GTPBP3: variants seen among roughly 807,000 people sequenced by gnomAD.
The protein encoded by GTPBP3 is GTP binding protein 3, mitochondrial, also known as 5-taurinomethyluridine-[tRNA] synthase subunit GTPB3, mitochondrial.
Under a neutral mutation model 42.0 loss-of-function variants are expected in GTPBP3, and 35 were observed. That is an observed-to-expected ratio of 0.83 (90% CI 0.64 to 1.10). The LOEUF (loss-of-function observed/expected upper bound fraction) is 1.10. GTPBP3 is among the 50% of genes least tolerant of loss of function. GTPBP3 has a pLI of 0.00. For synonymous variants in GTPBP3, 332 were observed against 314.9 expected (o/e 1.05, Z -0.58); for missense variants, 691 against 685.2 (o/e 1.01, Z -0.09).
At chr19:17,337,785 T>G in intron 1 of GTPBP3, 121 bp downstream of exon 1, 1 of 1,292,756 alleles carries the variant, frequency 7.7e-7, no homozygotes, top group African/African-American at 1.5e-5. Flanking sequence ...CTTCCGTGCC[T>G]CAATCGTTCA....
chr19:17,339,384 G>A (rs762136097), intron 6 of GTPBP3, 50 bp from the exon 7 acceptor site: 2 of 1,601,606 alleles, frequency 1.2e-6, no homozygotes, highest in East Asian at 2.2e-5. Flanking sequence ...GAACCTGGGG[G>A]AGGAGCTCCC....
chr19:17,337,669 G>C lies in GTPBP3; in HGVS notation c.53+5G>C, dbSNP rs547999665. 3 of 1,346,556 alleles carry C rather than the reference G, an allele frequency of 2.2e-6. No homozygotes were observed. The Admixed American group carries it at 1.1e-4, about 51-fold the overall frequency. 83.4% of individuals were successfully genotyped at this position (1,346,556 alleles called of 1,614,324 possible). ...AGCGGCACGTGGGCCTCGCAGGTGG[G>C]GCTACAGGGGAAGGGGTGCGACAGC... is the stretch of plus-strand genomic sequence containing the variant. On this transcript the variant is annotated splice_donor_5th_base_variant and intron_variant, in intron 1 of 8. Transcript: ENST00000324894.
chr19:17,340,137 T>C (rs2145704366), intron 7 of GTPBP3, among the ~76,000 whole-genome samples: 1 of 151,980 alleles, frequency 6.6e-6, no homozygotes, highest in Non-Finnish European at 1.5e-5. Context: ...CGGGTTCAAG[T>C]GATTCTTCTG....
rs1354298401 is a variant in GTPBP3, at chr19:17,341,642, G to A, written c.1418G>A (p.Gly473Asp). ...CGGGGTCACCTGACCCGGCTCACAG[G>A]TGGAGGGGGTACCGAGGAGATCCTG... The part of the protein sequence containing the change: ...VARGHLTRLT[G>D]GGGTEEILDI... The change falls in exon 9 of 9, where the codon GGT (glycine) becomes GAT (aspartate). Residue 473 changes from glycine (G) to aspartate (D), a missense_variant. Gly to Asp is a moderately conservative substitution (Grantham distance 94, BLOSUM62 -1). Transcript: ENST00000324894. The A allele has an allele frequency of 1.4e-5, 22 of 1,612,642 alleles. No homozygotes were observed. Among genetic ancestry groups the A allele is most frequent in the Middle Eastern group, 3.3e-4 (2 of 6,072 alleles).
rs527855630 is a variant in GTPBP3, at chr19:17,339,702, T to C, written c.974+103T>C. 9.8e-6 allele frequency: 11 copies of C among 1,128,060 alleles called. No homozygotes were observed. In the East Asian group the frequency reaches 2.9e-4, roughly 30 times the overall value. The allele number at this position is 1,128,060 out of a possible 1,614,324, so 69.9% of individuals were successfully genotyped here. A position where few individuals can be genotyped will look rare whatever the true frequency, so the allele number is the denominator to read the frequency against. Reference sequence around the variant, plus strand: ...ATTCTTCCTGAATCAGAGAACCTGCTAAGCCCTATCAAGCATGGATCTCAG... The same window carrying C: ...ATTCTTCCTGAATCAGAGAACCTGCCAAGCCCTATCAAGCATGGATCTCAG... On this transcript the variant is annotated intron_variant, in intron 7 of 8. Coordinates refer to ENST00000324894, the MANE Select transcript of GTPBP3 (RefSeq NM_032620.4).
At position 17,341,777 on chromosome 19, in the gene GTPBP3, C is replaced by T; in HGVS notation, c.*74C>T. 7.8e-7 allele frequency: 1 copy of T among 1,278,042 alleles called. No homozygotes were observed. The highest frequency in any genetic ancestry group is 1.5e-5 in the South Asian group (1 of 68,500). The allele number at this position is 1,278,042 out of a possible 1,614,324, so 79.2% of individuals were successfully genotyped here. A position where few individuals can be genotyped will look rare whatever the true frequency, so the allele number is the denominator to read the frequency against. On this transcript the variant is annotated 3_prime_UTR_variant, in exon 9 of 9. Transcript: ENST00000324894. ...CGGGGGATCTGGAAACAGTTTAGGC[C>T]AATTGGGATTCTCATTCGCCTGGGA... is the stretch of plus-strand genomic sequence containing the variant.
At position 17,341,702 on chromosome 19, in the gene GTPBP3, G is replaced by C; in HGVS notation, c.1478G>C (p.Ter493SerextTer40). The C allele has an allele frequency of 6.4e-7, 1 of 1,571,994 alleles. No individual in the cohort carries two copies. Among genetic ancestry groups the C allele is most frequent in the South Asian group, 1.2e-5 (1 of 86,826 alleles). ...TTCCAGGACTTCTGTGTGGGCAAGT[G>C]ACGGGATCCAGGGAAGTCGCACCCA... Reference protein sequence around the residue: ...IIFQDFCVGK* With the variant: ...IIFQDFCVGKS The change falls in exon 9 of 9, where the codon TGA becomes TCA. Residue 493 changes from the stop codon to serine (S), a stop_lost. Transcript: ENST00000324894.
rs1568365230 is a variant in GTPBP3, at chr19:17,337,597, G to T, written c.-15G>T. The stretch of plus-strand genomic sequence containing the variant: ...CACAGGCAGGTCGGGCAGGCGGGTC[G>T]CAGGTTGTAAATCCATGTGGCGGGG... On this transcript the variant is annotated 5_prime_UTR_variant, in exon 1 of 9. Transcript: ENST00000324894. 1.5e-6 allele frequency: 2 copies of T among 1,311,810 alleles called. No individual in the cohort carries two copies. Among genetic ancestry groups the T allele is most frequent in the Non-Finnish European group, 2.0e-6 (2 of 1,024,416 alleles). The allele number at this position is 1,311,810 out of a possible 1,614,324, so 81.3% of individuals were successfully genotyped here.
chr19:17,337,921 G>A (rs761162980), intron 1 of GTPBP3, 87 bp from the exon 2 acceptor site: 11 of 1,516,918 alleles, frequency 7.3e-6, no homozygotes, highest in Non-Finnish European at 8.9e-6. Flanking sequence ...CCCACCTGGA[G>A]CATCTCGCGA....
upstream of GTPBP3, among the ~76,000 whole-genome samples, chr19:17,336,235 C>CAA (rs1196472362): frequency 7.1e-3 from 113 of 15,810 alleles, 23 homozygotes; most frequent in African/African-American, 0.015. Flanking sequence ...GACCCCGTCT[C>CAA]AAAAAAAAAA....
At chr19:17,335,008 T>C, upstream of GTPBP3, 1 of 1,535,998 alleles carries the variant, frequency 6.5e-7, no homozygotes, top group African/African-American at 1.4e-5. Flanking sequence ...GCACTGATGG[T>C]GCATTCTCCA....
chr19:17,335,548 G>A (rs1162578123), upstream of GTPBP3, among the ~76,000 whole-genome samples: 3 of 152,130 alleles, frequency 2.0e-5, no homozygotes, highest in Admixed American at 6.5e-5. Context: ...GCGACAGAAC[G>A]AGACCCTGTC....
chr19:17,342,089 TTTCCCCTTCCCC>T lies in GTPBP3; in HGVS notation c.*406_*417del, dbSNP rs3078395. ...CCTTCCCTTTCCTTTTCCCTTTCCC[TTTCCCCTTCCCC>T]TTCCCCTTCCCCTTCCCCTACCCTT... On this transcript the variant is annotated 3_prime_UTR_variant, in exon 9 of 9. Coordinates refer to ENST00000324894, the MANE Select transcript of GTPBP3 (RefSeq NM_032620.4). 0.015 allele frequency: 1,925 copies of T among 126,418 alleles called. 42 individuals carry two copies. The highest frequency in any genetic ancestry group is 0.016 in the Non-Finnish European group (962 of 61,276). The allele number at this position is 126,418 out of a possible 1,614,324, so 7.8% of individuals were successfully genotyped here.
upstream of GTPBP3, chr19:17,337,523 C>A: frequency 7.8e-7 from 1 of 1,289,944 alleles, no homozygotes. Flanking sequence ...GAGCACTTTA[C>A]TAGTCAAGCC....
At chr19:17,335,235 G>A, upstream of GTPBP3, 1 of 1,448,278 alleles carries the variant, frequency 6.9e-7, no homozygotes, top group South Asian at 1.3e-5. Context: ...AGCAAGCCCT[G>A]CTTAGGAACT....
chr19:17,337,618 CG>C lies in GTPBP3; in HGVS notation c.12del (p.Leu5PhefsTer35). On this transcript the variant is annotated frameshift_variant, in exon 1 of 9. Transcript: ENST00000324894. LOFTEE classifies it high-confidence loss of function. ...GGTCGCAGGTTGTAAATCCATGTGG[CG>C]GGGGCTTTGGACCCTGGCGGCCCAA... Reference protein sequence around the residue: MWRGLWTLAAQAA... With the variant: MWXGLWTLAAQAA... The C allele has an allele frequency of 1.5e-6, 2 of 1,328,796 alleles. No homozygotes were observed. The highest frequency in any genetic ancestry group is 2.4e-5 in the South Asian group (1 of 42,100). 82.3% of individuals were successfully genotyped at this position (1,328,796 alleles called of 1,614,324 possible). A position where few individuals can be genotyped will look rare whatever the true frequency, so the allele number is the denominator to read the frequency against.
intron 6 of GTPBP3, 24 bp downstream of exon 6, chr19:17,339,290 C>CG (rs2074403769): frequency 1.3e-6 from 2 of 1,545,630 alleles, no homozygotes; most frequent in Non-Finnish European, 8.8e-7. Context: ...GGGAAGGGGG[C>CG]GGGGCCTAGT....
chr19:17,337,347 A>C (rs2074376811), upstream of GTPBP3: 1 of 442,486 alleles, frequency 2.3e-6, no homozygotes, highest in Non-Finnish European at 3.7e-6. Flanking sequence ...CTGCGCTAGG[A>C]CCCTAAAAAT....
In GTPBP3 at chr19:17,339,509, C is replaced by G. The variant is rs1568367138; in HGVS notation, c.884C>G (p.Ala295Gly). The change falls in exon 7 of 9, where the codon GCC (alanine) becomes GGC (glycine). Residue 295 changes from alanine to glycine, a missense_variant. By Grantham distance (60) the Ala-to-Gly change is moderately conservative (BLOSUM62 0). Coordinates refer to ENST00000324894, the MANE Select transcript of GTPBP3 (RefSeq NM_032620.4). ...GTGCTGGAGACCCCAGTCGACCTGGCCGGATTTCCTGTGCTGCTGAGCGAC... is the reference window on the plus strand; with the variant it reads ...GTGCTGGAGACCCCAGTCGACCTGGGCGGATTTCCTGTGCTGCTGAGCGAC... ...RDVLETPVDL[A>G]GFPVLLSDTA... is the part of the protein sequence containing the mutation. 1 of 1,613,952 alleles carries G rather than the reference C, an allele frequency of 6.2e-7. No homozygotes were observed. Among genetic ancestry groups the G allele is most frequent in the East Asian group, 2.2e-5 (1 of 44,876 alleles).
Sources: allele counts gnomAD v4.1 joint callset (sites outside exome capture counted in the v4.1 genomes callset), GRCh38; gene constraint gnomAD v4.1.1; transcripts MANE v1.5; gene names NCBI Gene and HGNC (gene_info 2026-07-23, HGNC 2026-07-21).